Variants in GPATCH2 observed in about 807,000 individuals in gnomAD.
GPATCH2 encodes G patch domain-containing protein 2.
In GPATCH2, 51 loss-of-function variants were observed where a neutral mutation model predicts 58.0. The ratio of observed to expected loss-of-function variants is 0.88; its 90% CI spans 0.70 to 1.11. The LOEUF (loss-of-function observed/expected upper bound fraction) is 1.11, where lower values mean the gene tolerates loss of function less well. Ranked by LOEUF, GPATCH2 falls within the 50% of genes most tolerant of loss-of-function variation. The probability of loss-of-function intolerance (pLI) is 0.00; values close to 1 mark genes in which losing one functional copy is unlikely to be tolerated. For missense variants in GPATCH2, 625 were observed against 652.2 expected, an observed-to-expected ratio of 0.96 and a Z score of 0.45; for synonymous variants, 222 against 218.5, an observed-to-expected ratio of 1.02 and a Z score of -0.14.
intron 1 of GPATCH2, among the ~76,000 whole-genome samples, chr1:217,622,656 G>T (rs1163534785): frequency 1.3e-5 from 2 of 152,170 alleles, no homozygotes; most frequent in Admixed American, 6.5e-5. Context: ...TGATTCTCCT[G>T]CCTTAACCTC....
intron 5 of GPATCH2, among the ~76,000 whole-genome samples, chr1:217,564,814 T>C (rs1666130397): frequency 1.3e-5 from 2 of 152,204 alleles, no homozygotes; most frequent in Non-Finnish European, 2.9e-5. Flanking sequence ...TACATTTCCA[T>C]AATGCATACT....
chr1:217,521,461 T>C lies in GPATCH2; in HGVS notation c.1099-6572A>G, dbSNP rs116062539. ...GAATCTAGAATACACTCTAGGAAAATCTTCAGCCAAGGATACTCTAGACCT... is the reference window on the plus strand; with the variant it reads ...GAATCTAGAATACACTCTAGGAAAACCTTCAGCCAAGGATACTCTAGACCT... On this transcript the variant is annotated intron_variant, in intron 5 of 9. Transcript: ENST00000366935. Among the ~76,000 whole-genome samples, 841 of 151,204 alleles carry C rather than the reference T, an allele frequency of 5.6e-3. 8 individuals carry two copies. The highest frequency in any genetic ancestry group is 8.5e-3 in the Non-Finnish European group (580 of 67,896).
chr1:217,540,015 T>A (rs1312952850), intron 5 of GPATCH2, among the ~76,000 whole-genome samples: 3 of 152,218 alleles, frequency 2.0e-5, no homozygotes, highest in African/African-American at 7.2e-5. Flanking sequence ...GATAAACATT[T>A]GCATATCAGG....
intron 5 of GPATCH2, among the ~76,000 whole-genome samples, chr1:217,516,077 T>C (rs534388529): frequency 1.1e-4 from 17 of 151,806 alleles, no homozygotes; most frequent in South Asian, 6.2e-4. Flanking sequence ...TAAAGTAAGC[T>C]ACTCCTTTTT....
At chr1:217,610,650 C>T (rs895116868) in intron 4 of GPATCH2, among the ~76,000 whole-genome samples, 4 of 152,068 alleles carry the variant, frequency 2.6e-5, no homozygotes, top group East Asian at 1.9e-4. Context: ...TTCTTTTTTC[C>T]GAATTAACAT....
chr1:217,430,690 G>T lies in GPATCH2; in HGVS notation c.*455C>A, dbSNP rs1658491523. The T allele has an allele frequency of 6.1e-6, 1 of 162,636 alleles. No individual in the cohort carries two copies. The highest frequency in any genetic ancestry group is 1.8e-4 in the East Asian group (1 of 5,560). 10.1% of individuals were successfully genotyped at this position (162,636 alleles called of 1,614,324 possible). ...AGCCTTTCAAACAAAGATGTGTTCGGACTTCACTGATGCGATGGTAGGTCT... is the reference window on the plus strand; with the variant it reads ...AGCCTTTCAAACAAAGATGTGTTCGTACTTCACTGATGCGATGGTAGGTCT... On this transcript the variant is annotated 3_prime_UTR_variant, in exon 10 of 10. Transcript: ENST00000366935.
intron 1 of GPATCH2, among the ~76,000 whole-genome samples, chr1:217,628,638 T>G (rs1367226387): frequency 6.6e-5 from 10 of 151,290 alleles, no homozygotes; most frequent in Non-Finnish European, 1.2e-4. Flanking sequence ...GTCAATATAG[T>G]TTATTTTAAT....
At chr1:217,518,003 A>T (rs912472520) in intron 5 of GPATCH2, among the ~76,000 whole-genome samples, 2 of 152,128 alleles carry the variant, frequency 1.3e-5, no homozygotes, top group African/African-American at 4.8e-5. Flanking sequence ...AAACTTAGAC[A>T]TCACATTACA....
At chr1:217,526,228 T>G (rs956718176) in intron 5 of GPATCH2, among the ~76,000 whole-genome samples, 1 of 152,182 alleles carries the variant, frequency 6.6e-6, no homozygotes, top group Non-Finnish European at 1.5e-5. Flanking sequence ...ACTTTTAAAC[T>G]GACAACTTAA....
At chr1:217,474,499 A>T (rs1194214337) in intron 8 of GPATCH2, among the ~76,000 whole-genome samples, 1 of 152,254 alleles carries the variant, frequency 6.6e-6, no homozygotes, top group Non-Finnish European at 1.5e-5. Flanking sequence ...AGTGAATTAC[A>T]GTAAGTGGCA....
intron 8 of GPATCH2, among the ~76,000 whole-genome samples, chr1:217,453,536 T>C (rs941100201): frequency 7.2e-5 from 11 of 152,244 alleles, no homozygotes; most frequent in Non-Finnish European, 1.3e-4. Context: ...CTTTTTGTTT[T>C]ATTTTGCTTT....
intron 5 of GPATCH2, among the ~76,000 whole-genome samples, chr1:217,584,364 T>TATATATATATATACAC (rs1226981154): frequency 9.0e-5 from 11 of 121,548 alleles, no homozygotes; most frequent in African/African-American, 3.1e-4. Context: ...TATATATATA[T>TATATATATATATACAC]ACACACACAC....
intron 5 of GPATCH2, among the ~76,000 whole-genome samples, chr1:217,541,352 T>C (rs1664732049): frequency 6.6e-6 from 1 of 152,224 alleles, no homozygotes; most frequent in South Asian, 2.1e-4. Context: ...CACAAGGTAA[T>C]AACTGCTCTA....
intron 5 of GPATCH2, among the ~76,000 whole-genome samples, chr1:217,575,698 C>T (rs908872237): frequency 2.0e-5 from 3 of 151,944 alleles, no homozygotes; most frequent in Non-Finnish European, 4.4e-5. Flanking sequence ...AAAAAACAAA[C>T]AAATATCTGT....
rs6670880 is a variant in GPATCH2, at chr1:217,450,490, C to T, written c.1278-1153G>A. On this transcript the variant is annotated intron_variant, in intron 8 of 9. Coordinates refer to ENST00000366935, the MANE Select transcript of GPATCH2 (RefSeq NM_018040.5). ...AAATATAGATTTTATTTATAAAGCA[C>T]AAAGTACAGTCATAATTAATGATCT... Among the ~76,000 whole-genome samples the T allele has an allele frequency of 7.5e-3, 1,141 of 151,980 alleles. 10 individuals carry two copies. Among genetic ancestry groups the T allele is most frequent in the African/African-American group, 0.025 (1,041 of 41,478 alleles).
intron 8 of GPATCH2, among the ~76,000 whole-genome samples, chr1:217,454,608 A>AC (rs1659851965): frequency 6.7e-6 from 1 of 150,276 alleles, no homozygotes; most frequent in African/African-American, 2.4e-5. Flanking sequence ...AAAAAAAAAA[A>AC]AACCTTTCCT....
intron 5 of GPATCH2, among the ~76,000 whole-genome samples, chr1:217,549,717 A>G (rs1270595680): frequency 6.6e-6 from 1 of 152,212 alleles, no homozygotes; most frequent in Admixed American, 6.5e-5. Flanking sequence ...CGAAGAATTG[A>G]CCAATTTAGT....
At position 217,429,176 on chromosome 1, in the gene GPATCH2, T is replaced by C. The variant is rs1414013217; in HGVS notation, c.*1969A>G. 6.6e-6 allele frequency: 1 copy of C among 152,158 alleles called. No homozygotes were observed. Among genetic ancestry groups the C allele is most frequent in the Non-Finnish European group, 1.5e-5 (1 of 68,030 alleles). 9.4% of individuals were successfully genotyped at this position (152,158 alleles called of 1,614,324 possible). A position where few individuals can be genotyped will look rare whatever the true frequency, so the allele number is the denominator to read the frequency against. ...TCACAAAGAAGTTTTAAAACTTGTA[T>C]ATAATCTCCCCCCGGCTACATAGAC... On this transcript the variant is annotated 3_prime_UTR_variant, in exon 10 of 10. Transcript: ENST00000366935.
chr1:217,470,006 C>T (rs1660647265), intron 8 of GPATCH2, among the ~76,000 whole-genome samples: 1 of 152,120 alleles, frequency 6.6e-6, no homozygotes, highest in South Asian at 2.1e-4. Context: ...CCCAAATGTA[C>T]CCATAATGAA....
Sources: allele counts gnomAD v4.1 joint callset (sites outside exome capture counted in the v4.1 genomes callset), GRCh38; gene constraint gnomAD v4.1.1; transcripts MANE v1.5; gene names NCBI Gene and HGNC (gene_info 2026-07-23, HGNC 2026-07-21).